The following SLC36A4 variants were observed in gnomAD, a reference collection of about 807,000 sequenced individuals.
The protein encoded by SLC36A4 is neutral amino acid uniporter 4.
In SLC36A4, 49 loss-of-function variants were observed where a neutral mutation model predicts 50.5. That is an observed-to-expected ratio of 0.97 (90% CI 0.77 to 1.23). The LOEUF (loss-of-function observed/expected upper bound fraction) is 1.23, where lower values mean the gene tolerates loss of function less well. Ranked by LOEUF, SLC36A4 falls within the 50% of genes most tolerant of loss-of-function variation. The pLI is 0.00. For missense variants in SLC36A4, 611 were observed against 608.4 expected, an observed-to-expected ratio of 1.00 and a Z score of -0.05; for synonymous variants, 207 against 206.5, an observed-to-expected ratio of 1.00 and a Z score of -0.02.
intron 1 of SLC36A4, among the ~76,000 whole-genome samples, chr11:93,189,486 T>C (rs1283732194): frequency 6.6e-6 from 1 of 152,204 alleles, no homozygotes; most frequent in African/African-American, 2.4e-5. Flanking sequence ...ACAACCATCA[T>C]TATTAGTTGT....
chr11:93,168,111 G>T lies in SLC36A4; in HGVS notation c.601C>A (p.Pro201Thr). Reference protein sequence around the residue: ...FISNSTNSSNPCERRSVDLRI... With the variant: ...FISNSTNSSNTCERRSVDLRI... The stretch of plus-strand genomic sequence containing the variant: ...AGGTCAACACTTCTTCTCTCACAAG[G>T]GTTTGATGAATTGGTACTATTTGAA... The change falls in exon 7 of 11, where the codon CCT becomes ACT. Residue 201 changes from proline (P) to threonine (T), a missense_variant. Pro to Thr is a conservative substitution (Grantham distance 38, BLOSUM62 -1). Transcript: ENST00000326402. 1 of 1,612,126 alleles carries T rather than the reference G, an allele frequency of 6.2e-7. No individual in the cohort carries two copies. Among genetic ancestry groups the T allele is most frequent in the Non-Finnish European group, 8.5e-7 (1 of 1,178,908 alleles).
chr11:93,159,100 C>A (rs927658089), intron 9 of SLC36A4, among the ~76,000 whole-genome samples: 4 of 151,806 alleles, frequency 2.6e-5, no homozygotes, highest in Non-Finnish European at 5.9e-5. Context: ...TACAACCATT[C>A]AACATGAAAA....
chr11:93,166,492 C>T (rs1860874461), intron 7 of SLC36A4: 3 of 796,090 alleles, frequency 3.8e-6, no homozygotes, highest in African/African-American at 1.9e-5. Context: ...AGCTCTGCTG[C>T]TGCCCAAAAC....
rs1459942631 is a variant in SLC36A4, at chr11:93,147,459, A to G, written c.*1078T>C. 3 of 152,112 alleles carry G rather than the reference A, an allele frequency of 2.0e-5. No homozygotes were observed. Among genetic ancestry groups the G allele is most frequent in the African/African-American group, 7.2e-5 (3 of 41,440 alleles). The allele number at this position is 152,112 out of a possible 1,614,324, so 9.4% of individuals were successfully genotyped here. A position where few individuals can be genotyped will look rare whatever the true frequency, so the allele number is the denominator to read the frequency against. On this transcript the variant is annotated 3_prime_UTR_variant, in exon 11 of 11. Transcript: ENST00000326402. ...AATAATTAAAAAAGCTCAAGCCACA[A>G]ATAGTATAGCTAGACACACATCTTA... is the stretch of plus-strand genomic sequence containing the variant.
rs147166571 is a variant in SLC36A4, at chr11:93,180,797, T to A, written c.540A>T (p.Gln180His). The change falls in exon 6 of 11, where the codon CAA becomes CAT. Residue 180 changes from glutamine (Q) to histidine (H), a missense_variant and splice_region_variant. Physicochemically the swap from Gln to His is conservative, Grantham distance 24 (BLOSUM62 0). Transcript: ENST00000326402. ...TCACTAACTGGAGAAAAATACTCAC[T>A]TGTTTCACATTTTCAGCTAAGAAGA... is the stretch of plus-strand genomic sequence containing the variant. ...YIVFLAENVK[Q>H]VHEGFLESKV... 3.5e-4 allele frequency: 556 copies of A among 1,607,358 alleles called. 3 individuals are homozygous for A. The African/African-American group carries it at 6.8e-3, about 20-fold the overall frequency.
chr11:93,196,515 C>T (rs1486224236), intron 1 of SLC36A4, among the ~76,000 whole-genome samples: 3 of 152,246 alleles, frequency 2.0e-5, no homozygotes, highest in South Asian at 4.1e-4. Flanking sequence ...TACAGGCGCC[C>T]GCCACCACGC....
chr11:93,149,018 G>C (rs979521681), intron 10 of SLC36A4, among the ~76,000 whole-genome samples, 174 bp from the exon 11 acceptor site: 13 of 152,066 alleles, frequency 8.5e-5, no homozygotes, highest in Non-Finnish European at 1.8e-4. Context: ...AAGCTAGAGA[G>C]AGACAGAAAG....
At chr11:93,153,511 T>TC (rs1174384560) in intron 10 of SLC36A4, among the ~76,000 whole-genome samples, 2 of 151,966 alleles carry the variant, frequency 1.3e-5, no homozygotes, top group African/African-American at 4.8e-5. Context: ...GACTTTGAAT[T>TC]CCCAGATCTG....
chr11:93,186,859 AC>A (rs1862004476), intron 1 of SLC36A4, among the ~76,000 whole-genome samples: 1 of 152,168 alleles, frequency 6.6e-6, no homozygotes, highest in African/African-American at 2.4e-5. Flanking sequence ...TTGCTAAAAC[AC>A]ACAATAATGG....
At chr11:93,166,235 A>G in intron 7 of SLC36A4, 3 of 1,265,758 alleles carry the variant, frequency 2.4e-6, no homozygotes, top group Non-Finnish European at 3.0e-6. Flanking sequence ...ATGCCCATAC[A>G]TTCCATCTGA....
rs1565212030 is a variant in SLC36A4, at chr11:93,148,488, TA to T, written c.*48del. 2 of 1,508,648 alleles carry T rather than the reference TA, an allele frequency of 1.3e-6. No homozygotes were observed. The highest frequency in any genetic ancestry group is 1.8e-6 in the Non-Finnish European group (2 of 1,107,768). 93.5% of individuals were successfully genotyped at this position (1,508,648 alleles called of 1,614,324 possible). ...CAATGTATTTTACTAGTTATCTTGATAATTTTCAGAAATGGGACAAAAATAG... is the reference window on the plus strand; with the variant it reads ...CAATGTATTTTACTAGTTATCTTGATATTTTCAGAAATGGGACAAAAATAG... On this transcript the variant is annotated 3_prime_UTR_variant, in exon 11 of 11. Coordinates refer to ENST00000326402, the MANE Select transcript of SLC36A4 (RefSeq NM_152313.4).
intron 1 of SLC36A4, among the ~76,000 whole-genome samples, chr11:93,186,846 G>C (rs942281811): frequency 8.5e-5 from 13 of 152,072 alleles, no homozygotes; most frequent in African/African-American, 3.1e-4. Context: ...TGGCCTGCAG[G>C]GCTTGCTAAA....
chr11:93,160,608 G>A (rs1422315329), intron 9 of SLC36A4: 7 of 985,056 alleles, frequency 7.1e-6, no homozygotes, highest in African/African-American at 1.8e-5. Context: ...TCTTATTCTC[G>A]CCCACTATTT....
chr11:93,147,417 A>T lies in SLC36A4; in HGVS notation c.*1120T>A, dbSNP rs1859879611. On this transcript the variant is annotated 3_prime_UTR_variant, in exon 11 of 11. Coordinates refer to ENST00000326402, the MANE Select transcript of SLC36A4 (RefSeq NM_152313.4). ...CATTCAGGAATGTGGTGCCTACAAA[A>T]CTCAGGAAAGGAAGGTAATAATTAA... is the stretch of plus-strand genomic sequence containing the variant. The T allele has an allele frequency of 6.6e-6, 1 of 152,088 alleles. No individual in the cohort carries two copies. The highest frequency in any genetic ancestry group is 6.6e-5 in the Admixed American group (1 of 15,232). 9.4% of individuals were successfully genotyped at this position (152,088 alleles called of 1,614,324 possible).
At position 93,182,876 on chromosome 11, in the gene SLC36A4, CA is replaced by C. The variant is rs1046132371; in HGVS notation, c.288del (p.Val97CysfsTer3). ...TGAACAGAAATAATTCCTATAAACA[CA>C]AGGCTGATTGGTCCAAGCTGTGGGG... Reference protein sequence around the residue: ...NAGIVLGPISLVFIGIISVHC... With the variant: ...NAGIVLGPISXVFIGIISVHC... On this transcript the variant is annotated frameshift_variant, in exon 4 of 11. Transcript: ENST00000326402. LOFTEE classifies it high-confidence loss of function. The C allele has an allele frequency of 6.2e-7, 1 of 1,611,100 alleles. No individual in the cohort carries two copies. The highest frequency in any genetic ancestry group is 8.5e-7 in the Non-Finnish European group (1 of 1,178,768).
chr11:93,186,372 C>A (rs1379236175), intron 1 of SLC36A4, among the ~76,000 whole-genome samples: 2 of 152,206 alleles, frequency 1.3e-5, no homozygotes, highest in East Asian at 3.9e-4. Flanking sequence ...ATCTACATTC[C>A]ATATTCCACT....
At chr11:93,162,916 G>C (rs377657365) in intron 8 of SLC36A4, 41 bp from the exon 9 acceptor site, 3 of 1,569,356 alleles carry the variant, frequency 1.9e-6, no homozygotes, top group South Asian at 2.3e-5. Context: ...GGGAATACAA[G>C]TATTTAAAAA....
rs1860956760 is a variant in SLC36A4 at position 93,167,954 on chromosome 11, T to C, written c.758A>G (p.Tyr253Cys). 1.2e-6 allele frequency: 2 copies of C among 1,603,678 alleles called. No homozygotes were observed. Among genetic ancestry groups the C allele is most frequent in the Admixed American group, 1.7e-5 (1 of 58,136 alleles). ...MAVSLVIIYQ[Y>C]VVRNMPDPHN... ...ACTTTTTATACTTACCCTGACAACA[T>C]ACTGGTAAATTATCACAAGACTGAC... The change falls in exon 7 of 11, where the codon TAT becomes TGT. Residue 253 changes from tyrosine to cysteine, a missense_variant. Physicochemically the swap from Tyr to Cys is radical, Grantham distance 194. Transcript: ENST00000326402.
rs191441342 is a variant in SLC36A4 at position 93,197,974 on chromosome 11, G to A, written c.-142C>T. 2.4e-4 allele frequency: 206 copies of A among 855,562 alleles called. 1 individual carries two copies. The African/African-American group carries it at 3.4e-3, about 14-fold the overall frequency. 53.0% of individuals were successfully genotyped at this position (855,562 alleles called of 1,614,324 possible). On this transcript the variant is annotated 5_prime_UTR_variant, in exon 1 of 11. Coordinates refer to ENST00000326402, the MANE Select transcript of SLC36A4 (RefSeq NM_152313.4). Reference sequence around the variant, plus strand: ...CTCCCTGCCCCGGCGCTCCCCAACCGCGCGGCGAGGAGCATGCGCAGTGGG... The same window carrying A: ...CTCCCTGCCCCGGCGCTCCCCAACCACGCGGCGAGGAGCATGCGCAGTGGG...
Sources: gnomAD v4.1 joint callset for allele counts (sites outside exome capture counted in the v4.1 genomes callset) on GRCh38, gnomAD v4.1.1 for gene constraint, MANE v1.5 for transcripts, NCBI Gene and HGNC (gene_info 2026-07-23, HGNC 2026-07-21) for gene names.